Variants in CNTN5 observed in about 807,000 individuals in gnomAD.
CNTN5 encodes the protein contactin 5.
A neutral mutation model predicts 129.1 loss-of-function variants in CNTN5; 77 were observed. The ratio of observed to expected loss-of-function variants is 0.60; its 90% CI spans 0.50 to 0.72. The LOEUF (loss-of-function observed/expected upper bound fraction) is 0.72. CNTN5 is among the 30% of genes least tolerant of loss of function. The pLI is 0.00. For missense variants in CNTN5, 1,478 were observed against 1,328.8 expected (o/e 1.11, Z -1.75); for synonymous variants, 509 against 465.6 (o/e 1.09, Z -1.20).
chr11:99,730,246 C>T (rs1943486130), intron 3 of CNTN5, among the ~76,000 whole-genome samples: 1 of 152,140 alleles, frequency 6.6e-6, no homozygotes, highest in Non-Finnish European at 1.5e-5. Context: ...GAACTGGCTT[C>T]TGATTCTAGC....
intron 13 of CNTN5, among the ~76,000 whole-genome samples, chr11:100,081,482 C>A (rs1310555732): frequency 6.6e-6 from 1 of 152,124 alleles, no homozygotes; most frequent in African/African-American, 2.4e-5. Context: ...CTGGCTTGAA[C>A]CTCCCTCCCA....
rs564272561 is a variant in CNTN5 at position 99,992,917 on chromosome 11, T to C, written c.878-9117T>C. Among the ~76,000 whole-genome samples the C allele has an allele frequency of 4.6e-5, 7 of 152,148 alleles. No homozygotes were observed. The East Asian group carries it at 1.4e-3, about 29-fold the overall frequency. ...AGCCACATAAGCCAGGATAGACAGG[T>C]CTGGGGAAAGAAACGGAGACACACA... On this transcript the variant is annotated intron_variant, in intron 8 of 24. Coordinates refer to ENST00000524871, the MANE Select transcript of CNTN5 (RefSeq NM_014361.4).
At chr11:100,335,023 T>C (rs1197995931) in intron 21 of CNTN5, among the ~76,000 whole-genome samples, 2 of 151,242 alleles carry the variant, frequency 1.3e-5, no homozygotes, top group Non-Finnish European at 2.9e-5. Flanking sequence ...TGTGTTGTTG[T>C]ACATTCATCC....
chr11:99,137,848 G>A (rs1379746090), intron 1 of CNTN5, among the ~76,000 whole-genome samples: 3 of 152,040 alleles, frequency 2.0e-5, no homozygotes, highest in South Asian at 2.1e-4. Context: ...ATTAAAGTAA[G>A]GGTATTTCTC....
At chr11:99,907,675 T>C (rs1458465871) in intron 6 of CNTN5, among the ~76,000 whole-genome samples, 2 of 151,930 alleles carry the variant, frequency 1.3e-5, no homozygotes, top group Non-Finnish European at 2.9e-5. Context: ...AGTCTTCTAA[T>C]GTATAATTTA....
At chr11:99,482,221 T>C (rs1945629111) in intron 2 of CNTN5, among the ~76,000 whole-genome samples, 2 of 152,214 alleles carry the variant, frequency 1.3e-5, no homozygotes, top group Admixed American at 6.5e-5. Flanking sequence ...TGATTCCTAT[T>C]AAGTATGTAA....
chr11:100,218,512 C>A (rs1202374657), intron 15 of CNTN5, among the ~76,000 whole-genome samples: 3 of 152,172 alleles, frequency 2.0e-5, no homozygotes, highest in African/African-American at 4.8e-5. Context: ...ACCTCATGGG[C>A]ATGTAACCCA....
intron 1 of CNTN5, among the ~76,000 whole-genome samples, chr11:99,110,821 T>A (rs1857755241): frequency 6.6e-6 from 1 of 152,138 alleles, no homozygotes. Context: ...AAATTAGGAA[T>A]AACAGAATGA....
chr11:99,165,388 T>C (rs900312005), intron 1 of CNTN5, among the ~76,000 whole-genome samples: 1 of 152,174 alleles, frequency 6.6e-6, no homozygotes, highest in Non-Finnish European at 1.5e-5. Flanking sequence ...GAAGATCAAA[T>C]TTGGCATGTC....
At chr11:99,086,083 G>C (rs1865994482) in intron 1 of CNTN5, among the ~76,000 whole-genome samples, 1 of 152,186 alleles carries the variant, frequency 6.6e-6, no homozygotes, top group African/African-American at 2.4e-5. Context: ...TCCTGCATTG[G>C]TATGATTATC....
intron 1 of CNTN5, among the ~76,000 whole-genome samples, chr11:99,091,867 A>C (rs1240367926): frequency 6.6e-6 from 1 of 152,184 alleles, no homozygotes; most frequent in Non-Finnish European, 1.5e-5. Context: ...ATGGAGAAAA[A>C]CAAAACTAAC....
chr11:100,154,872 T>C (rs1263093309), intron 13 of CNTN5, among the ~76,000 whole-genome samples: 1 of 152,212 alleles, frequency 6.6e-6, no homozygotes, highest in South Asian at 2.1e-4. Context: ...ATGGGTTTTT[T>C]TTCTTGTAAA....
intron 3 of CNTN5, among the ~76,000 whole-genome samples, chr11:99,754,997 A>G (rs778112004): frequency 9.2e-5 from 14 of 152,164 alleles, no homozygotes; most frequent in Non-Finnish European, 1.6e-4. Flanking sequence ...AGAATGTATT[A>G]TAGTTGGAAT....
At chr11:99,816,373 G>A (rs1145398) in intron 3 of CNTN5, among the ~76,000 whole-genome samples, 98,997 of 151,914 alleles carry the variant, frequency 0.65, 32,451 homozygotes, top group East Asian at 0.81. Context: ...ACGAACCTGC[G>A]TCTTCCTTAC....
At chr11:100,016,637 A>G (rs986765041) in intron 9 of CNTN5, among the ~76,000 whole-genome samples, 9 of 151,990 alleles carry the variant, frequency 5.9e-5, no homozygotes, top group African/African-American at 1.9e-4. Context: ...TTTTGATGGT[A>G]GAGCCGTATG....
At chr11:100,013,647 T>G (rs1211315290) in intron 9 of CNTN5, among the ~76,000 whole-genome samples, 1 of 152,184 alleles carries the variant, frequency 6.6e-6, no homozygotes, top group Non-Finnish European at 1.5e-5. Flanking sequence ...TTTCCTTATT[T>G]TGAACTCTCA....
chr11:99,727,279 G>T (rs372383199), intron 3 of CNTN5, among the ~76,000 whole-genome samples: 2 of 113,432 alleles, frequency 1.8e-5, no homozygotes, highest in South Asian at 7.2e-4. Flanking sequence ...GCAGTCCGCA[G>T]TCCGGCCTGG....
chr11:99,610,218 C>G (rs867743651), intron 3 of CNTN5, among the ~76,000 whole-genome samples: 1 of 152,074 alleles, frequency 6.6e-6, no homozygotes. Context: ...TCCCAACTAA[C>G]TCTAAAATAT....
chr11:99,496,108 A>G (rs1415353905), intron 2 of CNTN5, among the ~76,000 whole-genome samples: 4 of 152,194 alleles, frequency 2.6e-5, no homozygotes, highest in Admixed American at 2.0e-4. Flanking sequence ...AAGCTGAGAT[A>G]GAGATTAGGA....
Sources: allele counts gnomAD v4.1 joint callset (sites outside exome capture counted in the v4.1 genomes callset), GRCh38; gene constraint gnomAD v4.1.1; transcripts MANE v1.5; gene names NCBI Gene and HGNC (gene_info 2026-07-23, HGNC 2026-07-21).